BBS5: variants seen among roughly 807,000 people sequenced by gnomAD.
BBS5 encodes the protein BBSome complex member BBS5.
In BBS5, 39 loss-of-function variants were observed where a neutral mutation model predicts 50.2. The ratio of observed to expected loss-of-function variants is 0.78; its 90% CI spans 0.60 to 1.01. BBS5 has a LOEUF of 1.01. Ranked by LOEUF, BBS5 falls within the 50% of genes least tolerant of loss-of-function variation. BBS5 has a pLI of 0.00. For synonymous variants in BBS5, 134 were observed against 133.1 expected, an observed-to-expected ratio of 1.01 and a Z score of -0.05; for missense variants, 356 against 401.5, an observed-to-expected ratio of 0.89 and a Z score of 0.97.
intron 5 of BBS5, among the ~76,000 whole-genome samples, chr2:169,491,104 A>G (rs1683595129): frequency 6.6e-6 from 1 of 152,186 alleles, no homozygotes; most frequent in Non-Finnish European, 1.5e-5. Context: ...TTTAGCCATT[A>G]TGAATAATGT....
rs535027162 is a variant in BBS5, at chr2:169,505,367, C to T, written c.*785C>T. On this transcript the variant is annotated 3_prime_UTR_variant, in exon 12 of 12. Transcript: ENST00000295240. The stretch of plus-strand genomic sequence containing the variant: ...AAGTGCCAAGAGTGCAGCCTCTGCC[C>T]GGCCGCCACCCCGTCTGGGAAGTGA... 55 of 352,792 alleles carry T rather than the reference C, an allele frequency of 1.6e-4. No homozygotes were observed. In the East Asian group the frequency reaches 2.7e-3, roughly 17 times the overall value. The allele number at this position is 352,792 out of a possible 1,614,324, so 21.9% of individuals were successfully genotyped here. A position where few individuals can be genotyped will look rare whatever the true frequency, so the allele number is the denominator to read the frequency against.
chr2:169,481,689 C>T (rs1016525305), intron 1 of BBS5, among the ~76,000 whole-genome samples: 4 of 150,842 alleles, frequency 2.7e-5, no homozygotes, highest in African/African-American at 9.7e-5. Flanking sequence ...TTCCTTTTGT[C>T]ACCTGTATCT....
intron 5 of BBS5, among the ~76,000 whole-genome samples, chr2:169,492,003 G>C (rs1683609898): frequency 1.3e-5 from 2 of 151,778 alleles, no homozygotes; most frequent in South Asian, 4.2e-4. Context: ...CACCATGTTG[G>C]CCAGGCTGCT....
chr2:169,487,246 C>A (rs984308130), intron 3 of BBS5, 112 bp downstream of exon 3: 5 of 760,704 alleles, frequency 6.6e-6, no homozygotes, highest in African/African-American at 1.8e-5. Context: ...AAATAAAAAA[C>A]CTTCAGAAAT....
chr2:169,503,425 C>T (rs1031906565), intron 10 of BBS5, among the ~76,000 whole-genome samples: 3 of 151,866 alleles, frequency 2.0e-5, no homozygotes, highest in Non-Finnish European at 2.9e-5. Flanking sequence ...TTTGGAAGGC[C>T]GAGGTAGGCT....
chr2:169,492,507 G>T (rs561755034), intron 5 of BBS5, among the ~76,000 whole-genome samples: 3 of 151,650 alleles, frequency 2.0e-5, no homozygotes, highest in African/African-American at 7.2e-5. Flanking sequence ...AAAAAAATAG[G>T]TTATTGAGAT....
chr2:169,501,114 A>G (rs1005402872), intron 9 of BBS5, among the ~76,000 whole-genome samples: 7 of 152,246 alleles, frequency 4.6e-5, no homozygotes, highest in Non-Finnish European at 1.0e-4. Flanking sequence ...TTGGATGAGC[A>G]TCTCAAACTT....
At chr2:169,502,556 C>G (rs1683829647) in intron 9 of BBS5, among the ~76,000 whole-genome samples, 1 of 152,096 alleles carries the variant, frequency 6.6e-6, no homozygotes, top group Non-Finnish European at 1.5e-5. Flanking sequence ...ATTATAAACC[C>G]TTTGTGAGTA....
At position 169,499,487 on chromosome 2, in the gene BBS5, GTGGTGGATATGTTCT is replaced by G; in HGVS notation, c.687_701del (p.Gly230_Gly234del). ...TTTTTATTATTTTTTCTCTTGTAGA[GTGGTGGATATGTTCT>G]TGGCTTTAAAATAGATCCTGTGGAA... On this transcript the variant is annotated inframe_deletion and splice_region_variant, in exon 9 of 12. Transcript: ENST00000295240. 2 of 1,613,026 alleles carry G rather than the reference GTGGTGGATATGTTCT, an allele frequency of 1.2e-6. No individual in the cohort carries two copies. The highest frequency in any genetic ancestry group is 2.2e-5 in the South Asian group (2 of 91,030).
Position 169,488,106 on chromosome 2 carries a change from A to G in BBS5, c.378A>G (p.Ala126=). 3.1e-6 allele frequency: 5 copies of G among 1,613,100 alleles called. No individual in the cohort carries two copies. The highest frequency in any genetic ancestry group is 4.2e-6 in the Non-Finnish European group (5 of 1,179,316). ...CTAGACTTTTTACTTCTGTGATGGC[A>G]GTACACAGGTATAGTAATACTTTAT... is the stretch of plus-strand genomic sequence containing the variant. ...GSPRLFTSVM[A]VHRAYETSKM... Residue 126 remains alanine, a synonymous_variant, in exon 5 of 12, where the codon GCA becomes GCG. Coordinates refer to ENST00000295240, the MANE Select transcript of BBS5 (RefSeq NM_152384.3).
intron 7 of BBS5, among the ~76,000 whole-genome samples, chr2:169,495,096 T>G (rs935675997): frequency 6.6e-6 from 1 of 152,190 alleles, no homozygotes; most frequent in East Asian, 1.9e-4. Flanking sequence ...CATGAACCAG[T>G]ATACAGTTCC....
At chr2:169,492,258 G>A (rs956581275) in intron 5 of BBS5, among the ~76,000 whole-genome samples, 7 of 151,856 alleles carry the variant, frequency 4.6e-5, no homozygotes, top group Non-Finnish European at 1.0e-4. Context: ...TTGGGAGGCC[G>A]AGGCGGGCAG....
chr2:169,489,649 T>TCC (rs769439566), intron 5 of BBS5, among the ~76,000 whole-genome samples: 22 of 150,980 alleles, frequency 1.5e-4, no homozygotes, highest in African/African-American at 5.1e-4. Context: ...TACTAAATTC[T>TCC]TCTCTTTTCA....
At chr2:169,495,576 G>T (rs941580188) in intron 7 of BBS5, among the ~76,000 whole-genome samples, 1 of 152,150 alleles carries the variant, frequency 6.6e-6, no homozygotes, top group East Asian at 1.9e-4. Context: ...CTTCTTGCCA[G>T]TTTCTGTCTT....
At chr2:169,480,670 CTTTTTTTTTTTTTTT>C (rs577688589) in intron 1 of BBS5, among the ~76,000 whole-genome samples, 4 of 73,202 alleles carry the variant, frequency 5.5e-5, no homozygotes, top group East Asian at 5.3e-4. Flanking sequence ...TTCTGTCATT[CTTTTTTTTTTTTTTT>C]TTTTTTTTTT....
chr2:169,480,153 T>C (rs1683364177), intron 1 of BBS5, among the ~76,000 whole-genome samples: 1 of 152,194 alleles, frequency 6.6e-6, no homozygotes, highest in South Asian at 2.1e-4. Flanking sequence ...AAACTTTATG[T>C]CCTTGGTAAG....
chr2:169,501,878 T>C (rs1005076887), intron 9 of BBS5, among the ~76,000 whole-genome samples: 2 of 152,222 alleles, frequency 1.3e-5, no homozygotes, highest in Non-Finnish European at 2.9e-5. Flanking sequence ...TTTTCGTTTG[T>C]TCTCTTCTCC....
intron 2 of BBS5, among the ~76,000 whole-genome samples, chr2:169,485,216 C>G (rs915557367): frequency 6.6e-6 from 1 of 151,734 alleles, no homozygotes; most frequent in Admixed American, 6.6e-5. Flanking sequence ...ATATAAAAAC[C>G]AAAAAAAGTT....
Position 169,479,682 on chromosome 2 carries a change from C to G in BBS5, c.59+70C>G, listed in dbSNP as rs577810003. The G allele has an allele frequency of 2.0e-6, 3 of 1,537,532 alleles. No homozygotes were observed. In the South Asian group the frequency reaches 3.4e-5, roughly 17 times the overall value. On this transcript the variant is annotated intron_variant, in intron 1 of 11. Coordinates refer to ENST00000295240, the MANE Select transcript of BBS5 (RefSeq NM_152384.3). ...CGCCGCCGTGCGCGTTAGGGACCCGCGGGCGGAGACTGCACCTCCGCAGCT... is the reference window on the plus strand; with the variant it reads ...CGCCGCCGTGCGCGTTAGGGACCCGGGGGCGGAGACTGCACCTCCGCAGCT...
Sources: allele counts gnomAD v4.1 joint callset (sites outside exome capture counted in the v4.1 genomes callset), GRCh38; gene constraint gnomAD v4.1.1; transcripts MANE v1.5; gene names NCBI Gene and HGNC (gene_info 2026-07-23, HGNC 2026-07-21).